Variants in KCNJ5 observed in about 807,000 individuals in gnomAD.
KCNJ5 encodes the protein potassium inwardly rectifying channel subfamily J member 5, also known as G protein-activated inward rectifier potassium channel 4.
KCNJ5 carries 12 observed loss-of-function variants against 20.2 expected under a neutral mutation model. The ratio of observed to expected loss-of-function variants is 0.59; its 90% confidence interval spans 0.38 to 0.96. The LOEUF is 0.96. Among genes scored for constraint, KCNJ5 ranks in the 40% least tolerant of loss-of-function variants. The probability of loss-of-function intolerance (pLI) is 0.00; values close to 1 mark genes in which losing one functional copy is unlikely to be tolerated. For synonymous variants in KCNJ5, 210 were observed against 213.9 expected (o/e 0.98, Z 0.16); for missense variants, 449 against 557.6 (o/e 0.81, Z 1.96).
At chr11:128,902,776 C>A in intron 1 of KCNJ5, 1 of 1,514,610 alleles carries the variant, frequency 6.6e-7, no homozygotes, top group South Asian at 1.3e-5. Flanking sequence ...CTCTTAACAG[C>A]ACTCTCAGCC....
At chr11:128,897,994 C>T (rs557470297) in intron 1 of KCNJ5, among the ~76,000 whole-genome samples, 1 of 152,324 alleles carries the variant, frequency 6.6e-6, no homozygotes, top group South Asian at 2.1e-4. Flanking sequence ...CTGTTCTGTT[C>T]CATCAATCTA....
intron 1 of KCNJ5, among the ~76,000 whole-genome samples, chr11:128,906,590 C>A (rs2135994730): frequency 6.6e-6 from 1 of 152,298 alleles, no homozygotes; most frequent in Non-Finnish European, 1.5e-5. Flanking sequence ...GAGGTCCTCA[C>A]TTTTTTGCTG....
Position 128,891,441 on chromosome 11 carries a change from C to CACACAGAGAGAGAG in KCNJ5, c.-290_-289insCACAGAGAGAGAGA, listed in dbSNP as rs1160699929. 1.8e-5 allele frequency: 1 copy of CACACAGAGAGAGAG among 54,924 alleles called. No individual in the cohort carries two copies. The highest frequency in any genetic ancestry group is 8.0e-5 in the African/African-American group (1 of 12,444). The allele number at this position is 54,924 out of a possible 1,614,324, so 3.4% of individuals were successfully genotyped here. ...ACACACACACACACACACACACACA[C>CACACAGAGAGAGAG]AGAGAGAGAGAGAGAGAGAGAGAGA... On this transcript the variant is annotated 5_prime_UTR_variant, in exon 1 of 3. Coordinates refer to ENST00000529694, the MANE Select transcript of KCNJ5 (RefSeq NM_000890.5).
At chr11:128,893,316 T>C (rs573978629) in intron 1 of KCNJ5, among the ~76,000 whole-genome samples, 3 of 152,126 alleles carry the variant, frequency 2.0e-5, no homozygotes, top group Non-Finnish European at 2.9e-5. Context: ...AGGGCCACCA[T>C]TGAAAGACAG....
rs1002828194 is a variant in KCNJ5, at chr11:128,920,591, T to C, written c.*3860T>C. ...CTCTGCCCATGCGCCATGGAGCATGTGTTAGGTGCCTGCCGTGGGTCAGGC... is the reference window on the plus strand; with the variant it reads ...CTCTGCCCATGCGCCATGGAGCATGCGTTAGGTGCCTGCCGTGGGTCAGGC... On this transcript the variant is annotated 3_prime_UTR_variant, in exon 3 of 3. Coordinates refer to ENST00000529694, the MANE Select transcript of KCNJ5 (RefSeq NM_000890.5). 2.6e-5 allele frequency: 4 copies of C among 152,212 alleles called. No individual in the cohort carries two copies. The highest frequency in any genetic ancestry group is 9.7e-5 in the African/African-American group (4 of 41,440). The allele number at this position is 152,212 out of a possible 1,614,324, so 9.4% of individuals were successfully genotyped here.
intron 2 of KCNJ5, among the ~76,000 whole-genome samples, chr11:128,914,550 A>T (rs1197174917): frequency 6.6e-6 from 1 of 152,214 alleles, no homozygotes; most frequent in Admixed American, 6.5e-5. Flanking sequence ...ACATGCAGCC[A>T]GGTGTGGGCT....
At chr11:128,908,221 G>A (rs115047779) in intron 1 of KCNJ5, among the ~76,000 whole-genome samples, 64 of 152,296 alleles carry the variant, frequency 4.2e-4, no homozygotes, top group African/African-American at 1.2e-3. Context: ...TCAATTTGAG[G>A]AGAGATTATG....
chr11:128,915,791 T>TTGGATGGA lies in KCNJ5; in HGVS notation c.938-579_938-572dup, dbSNP rs199516705. ...AAGGAATGCATGAATGTATGGATAA[T>TTGGATGGA]TGGATGGATGGATGGATGGATGGAT... On this transcript the variant is annotated intron_variant, in intron 2 of 2. Transcript: ENST00000529694. 2.2e-3 allele frequency among the ~76,000 whole-genome samples: 332 copies of TTGGATGGA among 148,044 alleles called. 2 individuals are homozygous for TTGGATGGA. The highest frequency in any genetic ancestry group is 0.012 in the East Asian group (58 of 4,836).
chr11:128,899,788 A>G (rs1944240074), intron 1 of KCNJ5: 1 of 152,204 alleles, frequency 6.6e-6, no homozygotes, highest in African/African-American at 2.4e-5. Flanking sequence ...ATGACTTTTC[A>G]TACATCTTCT....
intron 1 of KCNJ5, among the ~76,000 whole-genome samples, chr11:128,903,795 A>C (rs1360597626): frequency 6.6e-6 from 1 of 152,040 alleles, no homozygotes; most frequent in African/African-American, 2.4e-5. Flanking sequence ...CAGGAGGGAG[A>C]GGGAGAACAC....
intron 1 of KCNJ5, among the ~76,000 whole-genome samples, chr11:128,903,834 C>T (rs1482797891): frequency 6.6e-6 from 1 of 152,166 alleles, no homozygotes; most frequent in Middle Eastern, 3.2e-3. Context: ...GTGACCCGAG[C>T]TGCCGGGCAG....
At chr11:128,909,963 TG>T (rs1165077977) in intron 1 of KCNJ5, 1 of 152,368 alleles carries the variant, frequency 6.6e-6, no homozygotes, top group East Asian at 1.9e-4. Context: ...GGTCAGCCTT[TG>T]GGCTGCAGCC....
At chr11:128,892,561 C>T (rs1012264425) in intron 1 of KCNJ5, among the ~76,000 whole-genome samples, 10 of 152,200 alleles carry the variant, frequency 6.6e-5, no homozygotes, top group Admixed American at 3.9e-4. Flanking sequence ...AACAGGAACA[C>T]GCCAAGTATT....
chr11:128,893,842 CA>C (rs1399907883), intron 1 of KCNJ5, among the ~76,000 whole-genome samples: 1 of 152,222 alleles, frequency 6.6e-6, no homozygotes, highest in Non-Finnish European at 1.5e-5. Flanking sequence ...AAGTCCTGAG[CA>C]GTGCAGAGCT....
At chr11:128,904,415 T>A (rs759609481) in intron 1 of KCNJ5, 1 of 1,613,766 alleles carries the variant, frequency 6.2e-7, no homozygotes, top group Non-Finnish European at 8.5e-7. Context: ...GCATCAAGGG[T>A]CGTCAATCTC....
At chr11:128,892,448 C>T (rs567204628) in intron 1 of KCNJ5, among the ~76,000 whole-genome samples, 17 of 152,306 alleles carry the variant, frequency 1.1e-4, no homozygotes, top group Admixed American at 1.1e-3. Context: ...TGGAGGGCCT[C>T]AGGTCCGGCC....
intron 2 of KCNJ5, among the ~76,000 whole-genome samples, chr11:128,913,595 A>C (rs1204924076): frequency 7.8e-6 from 1 of 128,460 alleles, no homozygotes; most frequent in African/African-American, 3.0e-5. Context: ...TTTTTTTTCA[A>C]CCAGGTACAA....
At chr11:128,914,480 G>A (rs986321478) in intron 2 of KCNJ5, among the ~76,000 whole-genome samples, 1 of 152,208 alleles carries the variant, frequency 6.6e-6, no homozygotes, top group Admixed American at 6.5e-5. Flanking sequence ...GATCCAGGGA[G>A]ATAGGGCAGG....
intron 1 of KCNJ5, chr11:128,902,753 G>A: frequency 6.4e-7 from 1 of 1,564,696 alleles, no homozygotes; most frequent in Non-Finnish European, 8.7e-7. Context: ...GGAATTCAGT[G>A]GCACTACCAC....
Sources: gnomAD v4.1 joint callset for allele counts (sites outside exome capture counted in the v4.1 genomes callset) on GRCh38, gnomAD v4.1.1 for gene constraint, MANE v1.5 for transcripts, NCBI Gene and HGNC (gene_info 2026-07-23, HGNC 2026-07-21) for gene names.